KAZN: variants seen among roughly 807,000 people sequenced by gnomAD.
The protein encoded by KAZN is kazrin.
In KAZN, 40 loss-of-function variants were observed where a neutral mutation model predicts 87.4. That is an observed-to-expected ratio of 0.46 (90% CI 0.36 to 0.60). The LOEUF is 0.60. Among genes scored for constraint, KAZN ranks in the 20% least tolerant of loss-of-function variants. KAZN has a pLI of 0.00. For missense variants in KAZN, 898 were observed against 1,073.9 expected, an observed-to-expected ratio of 0.84 and a Z score of 2.29; for synonymous variants, 466 against 458.3, an observed-to-expected ratio of 1.02 and a Z score of -0.22.
upstream of KAZN, among the ~76,000 whole-genome samples, chr1:14,595,864 G>GA (rs202164808): frequency 0.01 from 1,524 of 151,544 alleles, 26 homozygotes; most frequent in African/African-American, 0.034. Context: ...TTCATGTTAG[G>GA]AAAAAAAACT....
At chr1:14,770,221 G>A (rs1440442045) in intron 1 of KAZN, among the ~76,000 whole-genome samples, 1 of 152,198 alleles carries the variant, frequency 6.6e-6, no homozygotes, top group Non-Finnish European at 1.5e-5. Context: ...CATGGTGCCT[G>A]ATGATTTGCA....
Position 14,957,596 on chromosome 1 carries a change from G to A in KAZN, c.227-3088G>A, listed in dbSNP as rs79705835. 5.9e-5 allele frequency among the ~76,000 whole-genome samples: 9 copies of A among 152,308 alleles called. No individual in the cohort carries two copies. The East Asian group carries it at 7.7e-4, about 13-fold the overall frequency. ...CCGGGTTGCCTGCCGTGCTGTTGAC[G>A]CTGGACAGGAGCGGAGCCGTTTTAG... is the stretch of plus-strand genomic sequence containing the variant. On this transcript the variant is annotated intron_variant, in intron 1 of 14. Coordinates refer to ENST00000376030, the MANE Select transcript of KAZN (RefSeq NM_201628.3).
At chr1:14,448,258 CA>C (rs1349539221) in intron 2 of KAZN, among the ~76,000 whole-genome samples, 1 of 152,234 alleles carries the variant, frequency 6.6e-6, no homozygotes, top group Non-Finnish European at 1.5e-5. Flanking sequence ...ACTGGCAGAG[CA>C]GGGACATGAC....
chr1:14,934,057 G>T (rs1205153813), intron 1 of KAZN, among the ~76,000 whole-genome samples: 1 of 150,532 alleles, frequency 6.6e-6, no homozygotes, highest in Non-Finnish European at 1.5e-5. Context: ...GGGTTTCACC[G>T]TGTTATCCAG....
chr1:14,823,616 C>T (rs562381598), intron 1 of KAZN, among the ~76,000 whole-genome samples: 2 of 152,192 alleles, frequency 1.3e-5, no homozygotes, highest in African/African-American at 4.8e-5. Context: ...AATTATCCCA[C>T]CAAAATGCCA....
intron 1 of KAZN, among the ~76,000 whole-genome samples, chr1:14,606,749 G>T (rs1347669945): frequency 1.3e-5 from 2 of 152,152 alleles, no homozygotes; most frequent in Non-Finnish European, 2.9e-5. Flanking sequence ...ATGTGGAGCA[G>T]ATAATTCTGT....
rs11801127 is a variant in KAZN at position 15,017,530 on chromosome 1, G to A, written c.419-17219G>A. Reference sequence around the variant, plus strand: ...TAAAGCCTTAGCATTCTGGCCAGGCGCGGTGGCTCACGCCTGTAATCCCAG... The same window carrying A: ...TAAAGCCTTAGCATTCTGGCCAGGCACGGTGGCTCACGCCTGTAATCCCAG... On this transcript the variant is annotated intron_variant, in intron 2 of 14. Coordinates refer to ENST00000376030, the MANE Select transcript of KAZN (RefSeq NM_201628.3). 7.9e-3 allele frequency among the ~76,000 whole-genome samples: 1,202 copies of A among 152,168 alleles called. 16 individuals carry two copies. The highest frequency in any genetic ancestry group is 0.027 in the African/African-American group (1,118 of 41,552).
At chr1:14,957,504 G>A (rs1513546) in intron 1 of KAZN, among the ~76,000 whole-genome samples, 10,785 of 152,288 alleles carry the variant, frequency 0.071, 1,290 homozygotes, top group African/African-American at 0.25. Flanking sequence ...CCCCGCTCTC[G>A]GATCCTGTGT....
intron 2 of KAZN, among the ~76,000 whole-genome samples, chr1:14,986,603 G>C (rs1248997577): frequency 6.6e-6 from 1 of 152,146 alleles, no homozygotes; most frequent in Non-Finnish European, 1.5e-5. Context: ...GAGTACGGCT[G>C]GTATGGGTCT....
chr1:15,018,471 A>T (rs919701916), intron 2 of KAZN, among the ~76,000 whole-genome samples: 4 of 148,464 alleles, frequency 2.7e-5, no homozygotes, highest in African/African-American at 7.4e-5. Context: ...GTTCTCTGTG[A>T]TTTTTTTTTT....
chr1:14,667,409 C>T (rs1212598531), intron 1 of KAZN, among the ~76,000 whole-genome samples: 1 of 152,180 alleles, frequency 6.6e-6, no homozygotes, highest in East Asian at 1.9e-4. Flanking sequence ...CAGTTTGCTC[C>T]AACCTCTTGA....
chr1:14,666,208 G>A (rs12063080), intron 1 of KAZN, among the ~76,000 whole-genome samples: 4,486 of 151,976 alleles, frequency 0.03, 91 homozygotes, highest in Middle Eastern at 0.065. Flanking sequence ...AAGATCTCGT[G>A]TGTGGTTATT....
rs113040361 is a variant in KAZN at position 14,615,849 on chromosome 1, T to C, written c.226+16626T>C. On this transcript the variant is annotated intron_variant, in intron 1 of 14. Transcript: ENST00000376030. ...ACTTCTCTGAAGTCCCTCCCATTTC[T>C]GAATTTCTACAACTTCTGACTATTC... 1.7e-3 allele frequency among the ~76,000 whole-genome samples: 252 copies of C among 152,330 alleles called. 2 individuals are homozygous for C. The highest frequency in any genetic ancestry group is 5.7e-3 in the African/African-American group (238 of 41,582).
chr1:14,587,608 C>A (rs1489598301), intron 2 of KAZN, among the ~76,000 whole-genome samples: 1 of 150,110 alleles, frequency 6.7e-6, no homozygotes, highest in Non-Finnish European at 1.5e-5. Flanking sequence ...GAGTGGGGGG[C>A]GGGTGAGGAA....
intron 1 of KAZN, among the ~76,000 whole-genome samples, chr1:14,145,904 G>A (rs1484444636): frequency 3.3e-5 from 5 of 152,196 alleles, no homozygotes; most frequent in African/African-American, 1.2e-4. Context: ...ACGGGGTCAT[G>A]ATTATACTTC....
intron 1 of KAZN, among the ~76,000 whole-genome samples, chr1:14,829,957 T>C (rs1647007740): frequency 6.6e-6 from 1 of 152,210 alleles, no homozygotes. Context: ...TAGCCCCCAC[T>C]AGCAAGTGGT....
At chr1:14,602,516 A>G (rs1253690787) in intron 1 of KAZN, among the ~76,000 whole-genome samples, 1 of 152,338 alleles carries the variant, frequency 6.6e-6, no homozygotes, top group African/African-American at 2.4e-5. Context: ...GTTCCAATTC[A>G]TCTTGTTGTT....
Position 15,112,435 on chromosome 1 carries a change from G to T in KAZN, c.2057G>T (p.Gly686Val). The T allele has an allele frequency of 6.3e-7, 1 of 1,595,214 alleles. No individual in the cohort carries two copies. Among genetic ancestry groups the T allele is most frequent in the Non-Finnish European group, 8.5e-7 (1 of 1,171,114 alleles). Residue 686 changes from glycine (G) to valine (V), a missense_variant, in exon 14 of 15, where the codon GGC (glycine) becomes GTC (valine). This residue lies in a region of KAZN where 127 missense variants were observed against 121.5 expected (regional missense o/e 1.04). Transcript: ENST00000376030. ...AATGGTCCTCTCTTCAGCTCCACAG[G>T]CATCCGGGAGGCTGAGCGTTTTGGA... is the stretch of plus-strand genomic sequence containing the variant. ...SAVFHPANST[G>V]IREAERFGTP...
intron 2 of KAZN, among the ~76,000 whole-genome samples, chr1:14,580,645 G>A (rs890820539): frequency 6.6e-6 from 1 of 152,152 alleles, no homozygotes; most frequent in Admixed American, 6.5e-5. Flanking sequence ...AGGATTAGGA[G>A]AAAAGGGACT....
Sources: allele counts gnomAD v4.1 joint callset (sites outside exome capture counted in the v4.1 genomes callset), GRCh38; gene constraint gnomAD v4.1.1; regional missense constraint gnomAD v4.1.1; transcripts MANE v1.5; gene names NCBI Gene and HGNC (gene_info 2026-07-23, HGNC 2026-07-21).